TFPI: variants seen among roughly 807,000 people sequenced by gnomAD.
TFPI encodes tissue factor pathway inhibitor.
Under a neutral mutation model 34.6 loss-of-function variants are expected in TFPI, and 15 were observed. The ratio of observed to expected loss-of-function variants is 0.43; its 90% confidence interval spans 0.29 to 0.67. TFPI has a LOEUF of 0.67. TFPI is among the 30% of genes least tolerant of loss of function. The pLI is 0.15. For synonymous variants in TFPI, 105 were observed against 120.1 expected (o/e 0.87, Z 0.82); for missense variants, 301 against 364.0 (o/e 0.83, Z 1.41).
intron 4 of TFPI, among the ~76,000 whole-genome samples, chr2:187,487,475 T>C (rs970566920): frequency 1.3e-5 from 2 of 151,416 alleles, no homozygotes; most frequent in Non-Finnish European, 3.0e-5. Context: ...CATAAATAAA[T>C]CAAAATAAAT....
intron 3 of TFPI, among the ~76,000 whole-genome samples, chr2:187,495,052 ATGGGGG>A (rs2106074586): frequency 6.6e-6 from 1 of 152,276 alleles, no homozygotes; most frequent in Non-Finnish European, 1.5e-5. Context: ...TAATGAGGAG[ATGGGGG>A]TAAGAGAGTT....
At chr2:187,528,412 A>G (rs77001906) in intron 1 of TFPI, among the ~76,000 whole-genome samples, 3,140 of 152,308 alleles carry the variant, frequency 0.021, 111 homozygotes, top group African/African-American at 0.071. Flanking sequence ...AAGCATTTAT[A>G]TACCAGTTTT....
At position 187,472,204 on chromosome 2, in the gene TFPI, C is replaced by A. The variant is rs1692081032; in HGVS notation, c.629-4272G>T. Among the ~76,000 whole-genome samples the A allele has an allele frequency of 2.0e-5, 3 of 152,014 alleles. No individual in the cohort carries two copies. The South Asian group carries it at 6.2e-4, about 32-fold the overall frequency. ...TACTATACTTGATAATATTTTGTGG[C>A]TGTGTCTCCACATTTTTATATAGGC... On this transcript the variant is annotated intron_variant, in intron 6 of 7. Transcript: ENST00000233156.
At chr2:187,497,290 T>C (rs1385901474) in intron 2 of TFPI, among the ~76,000 whole-genome samples, 1 of 152,036 alleles carries the variant, frequency 6.6e-6, no homozygotes, top group Non-Finnish European at 1.5e-5. Flanking sequence ...TAGGGAGGTA[T>C]TGCTTAAATC....
intron 1 of TFPI, among the ~76,000 whole-genome samples, chr2:187,546,437 A>C (rs868216417): frequency 1.2e-4 from 18 of 151,972 alleles, no homozygotes; most frequent in South Asian, 2.1e-4. Flanking sequence ...AGGGGAAAAA[A>C]AACAAATAAA....
intron 6 of TFPI, among the ~76,000 whole-genome samples, chr2:187,472,717 CAAAG>C (rs1453178962): frequency 6.6e-6 from 1 of 152,048 alleles, no homozygotes; most frequent in Non-Finnish European, 1.5e-5. Flanking sequence ...TATTCATAAA[CAAAG>C]AAAGACACGG....
intron 6 of TFPI, among the ~76,000 whole-genome samples, chr2:187,469,478 A>C (rs1343705186): frequency 6.6e-6 from 1 of 152,028 alleles, no homozygotes; most frequent in Non-Finnish European, 1.5e-5. Context: ...TTTTTAAAAT[A>C]ATTTTTATTG....
intron 1 of TFPI, among the ~76,000 whole-genome samples, chr2:187,532,469 C>A (rs1245328626): frequency 6.6e-6 from 1 of 152,198 alleles, no homozygotes; most frequent in South Asian, 2.1e-4. Context: ...ACCTGGGAAG[C>A]ACAAGGGGTC....
intron 1 of TFPI, among the ~76,000 whole-genome samples, chr2:187,508,750 AT>A (rs993225361): frequency 4.6e-5 from 7 of 152,166 alleles, no homozygotes; most frequent in African/African-American, 1.4e-4. Context: ...AACAGAGACA[AT>A]TTGACTTCCT....
In TFPI at chr2:187,497,212, T is replaced by C. The variant is rs890134287; in HGVS notation, c.122-134A>G. 1.3e-5 allele frequency: 11 copies of C among 839,372 alleles called. No homozygotes were observed. The Admixed American group carries it at 2.7e-4, about 21-fold the overall frequency. 52.0% of individuals were successfully genotyped at this position (839,372 alleles called of 1,614,324 possible). A position where few individuals can be genotyped will look rare whatever the true frequency, so the allele number is the denominator to read the frequency against. ...CATACTAAGAAACTATAAAAAGTTA[T>C]TCAGTTATCAAAATGGTAGATAAAG... On this transcript the variant is annotated intron_variant, in intron 2 of 7. Transcript: ENST00000233156.
chr2:187,512,540 A>G (rs1347854123), intron 1 of TFPI, among the ~76,000 whole-genome samples: 1 of 151,332 alleles, frequency 6.6e-6, no homozygotes, highest in Non-Finnish European at 1.5e-5. Flanking sequence ...AAAGCCATCT[A>G]TACCAATTCT....
At chr2:187,480,029 T>C (rs1332163087) in intron 6 of TFPI, among the ~76,000 whole-genome samples, 2 of 152,060 alleles carry the variant, frequency 1.3e-5, no homozygotes, top group African/African-American at 2.4e-5. Context: ...TGAAGCCCCA[T>C]GATACTCCTC....
chr2:187,468,377 T>A (rs1429522178), intron 6 of TFPI, among the ~76,000 whole-genome samples: 13 of 152,062 alleles, frequency 8.5e-5, no homozygotes, highest in Non-Finnish European at 1.5e-5. Context: ...TTATTTGTGA[T>A]GTAACAAAAA....
intron 1 of TFPI, chr2:187,519,037 A>G (rs1181544496): frequency 6.6e-6 from 1 of 152,016 alleles, no homozygotes; most frequent in East Asian, 1.9e-4. Context: ...CTAGTTAGCA[A>G]TTTCTATAAT....
intron 2 of TFPI, among the ~76,000 whole-genome samples, chr2:187,502,958 T>C (rs554392532): frequency 1.3e-5 from 2 of 152,326 alleles, no homozygotes; most frequent in African/African-American, 2.4e-5. Context: ...ATCATTTTGT[T>C]AATATTCTCT....
chr2:187,507,764 T>G (rs527360045), intron 1 of TFPI, among the ~76,000 whole-genome samples: 2 of 152,370 alleles, frequency 1.3e-5, no homozygotes, highest in Non-Finnish European at 2.9e-5. Flanking sequence ...GTAGGTTGCC[T>G]GTTCACTCTG....
chr2:187,478,906 CATT>C, intron 6 of TFPI: 4 of 884,446 alleles, frequency 4.5e-6, no homozygotes, highest in South Asian at 1.8e-5. Flanking sequence ...CTGTATAGTA[CATT>C]ATGTTTTTCT....
At chr2:187,541,912 C>T (rs1212094526) in intron 1 of TFPI, among the ~76,000 whole-genome samples, 2 of 152,148 alleles carry the variant, frequency 1.3e-5, no homozygotes, top group African/African-American at 2.4e-5. Context: ...TCAACAATGT[C>T]TAACGCACAG....
chr2:187,511,042 G>T (rs1686592521), intron 1 of TFPI, among the ~76,000 whole-genome samples: 3 of 152,192 alleles, frequency 2.0e-5, no homozygotes, highest in African/African-American at 7.2e-5. Flanking sequence ...GAGCATCCCT[G>T]TGGGGACTCC....
Sources: gnomAD v4.1 joint callset for allele counts (sites outside exome capture counted in the v4.1 genomes callset) on GRCh38, gnomAD v4.1.1 for gene constraint, MANE v1.5 for transcripts, NCBI Gene and HGNC (gene_info 2026-07-23, HGNC 2026-07-21) for gene names.